Variants in DAPK2 observed in about 807,000 individuals in gnomAD.
DAPK2 encodes death associated protein kinase 2.
Under a neutral mutation model 44.1 loss-of-function variants are expected in DAPK2, and 35 were observed. The observed-to-expected ratio is 0.79, with a 90% CI of 0.61 to 1.05. The LOEUF is 1.05. Among genes scored for constraint, DAPK2 ranks in the 50% least tolerant of loss-of-function variants. DAPK2 has a pLI of 0.00. For synonymous variants in DAPK2, 174 were observed against 182.6 expected, an observed-to-expected ratio of 0.95 and a Z score of 0.38; for missense variants, 453 against 483.2, an observed-to-expected ratio of 0.94 and a Z score of 0.59.
chr15:64,039,669 G>C (rs1437795590), intron 1 of DAPK2, among the ~76,000 whole-genome samples: 1 of 152,184 alleles, frequency 6.6e-6, no homozygotes, highest in Non-Finnish European at 1.5e-5. Flanking sequence ...CAGCAAACCT[G>C]AAAATGCACC....
At chr15:64,045,123 G>A (rs967507233), upstream of DAPK2, among the ~76,000 whole-genome samples, 5 of 152,152 alleles carry the variant, frequency 3.3e-5, no homozygotes, top group Non-Finnish European at 7.3e-5. Context: ...CTAACAAATC[G>A]GGAGGCCTCA....
chr15:63,929,428 T>G, intron 6 of DAPK2, 123 bp downstream of exon 7: 2 of 1,300,156 alleles, frequency 1.5e-6, no homozygotes, highest in South Asian at 2.6e-5. Flanking sequence ...CTGTGTGGAC[T>G]TAACACATCT....
Position 64,036,317 on chromosome 15 carries a change from ATG to A in DAPK2, c.92+3851_92+3852del, listed in dbSNP as rs1309863145. Among the ~76,000 whole-genome samples, 220 of 102,230 alleles carry A rather than the reference ATG, an allele frequency of 2.2e-3. 2 individuals are homozygous for A. Among genetic ancestry groups the A allele is most frequent in the African/African-American group, 7.4e-3 (211 of 28,486 alleles). 67.1% of individuals were successfully genotyped at this position (102,230 alleles called of 152,430 possible). A position where few individuals can be genotyped will look rare whatever the true frequency, so the allele number is the denominator to read the frequency against. On this transcript the variant is annotated intron_variant, in intron 1 of 10. Transcript: ENST00000261891. ...TGTGTGTGTGTGTGTGTGTATATAT[ATG>A]TATATATATATATATATACATATAT...
At chr15:63,911,838 G>T in intron 10 of DAPK2, 70 bp downstream of exon 11, 1 of 1,492,130 alleles carries the variant, frequency 6.7e-7, no homozygotes, top group Non-Finnish European at 9.2e-7. Flanking sequence ...AGGGGAAAGG[G>T]AACTCACCCA....
rs1357049659 is a variant in DAPK2, at chr15:63,990,451, G to A, written c.93-6697C>T. On this transcript the variant is annotated intron_variant, in intron 1 of 10. Coordinates refer to ENST00000261891, the Ensembl canonical transcript of DAPK2. This position sits in a 1 kb window ranked among gnomAD's most constrained non-coding sequence, Gnocchi z 4.3. ...TAGAAAAAGAAAAAGAAAGGTCCATGGATTGAGTGGGTCTACCTCATTCCC... is the reference window on the plus strand; with the variant it reads ...TAGAAAAAGAAAAAGAAAGGTCCATAGATTGAGTGGGTCTACCTCATTCCC... Among the ~76,000 whole-genome samples the A allele has an allele frequency of 1.1e-5, 1 of 89,670 alleles. No individual in the cohort carries two copies. The highest frequency in any genetic ancestry group is 2.5e-5 in the Non-Finnish European group (1 of 39,516). The allele number at this position is 89,670 out of a possible 152,430, so 58.8% of individuals were successfully genotyped here. A position where few individuals can be genotyped will look rare whatever the true frequency, so the allele number is the denominator to read the frequency against.
upstream of DAPK2, among the ~76,000 whole-genome samples, chr15:64,041,758 A>G (rs1481966314): frequency 1.3e-5 from 2 of 152,168 alleles, no homozygotes; most frequent in Admixed American, 6.5e-5. Flanking sequence ...GAGCTGTCCT[A>G]ACTCTCAGCG....
intron 1 of DAPK2, among the ~76,000 whole-genome samples, chr15:64,015,357 C>G (rs2079496369): frequency 6.6e-6 from 1 of 152,178 alleles, no homozygotes; most frequent in Non-Finnish European, 1.5e-5. Flanking sequence ...GCCTAAAGGT[C>G]TAAAGGATCG....
At chr15:63,974,148 T>C (rs886635693) in intron 2 of DAPK2, among the ~76,000 whole-genome samples, 2 of 152,242 alleles carry the variant, frequency 1.3e-5, no homozygotes, top group Non-Finnish European at 2.9e-5. Context: ...AAATCTCCCC[T>C]GAGATTTAGA....
intron 1 of DAPK2, among the ~76,000 whole-genome samples, chr15:64,001,573 G>A (rs1188523194): frequency 6.6e-6 from 1 of 152,118 alleles, no homozygotes; most frequent in East Asian, 1.9e-4. Flanking sequence ...TCCCCTTATG[G>A]CACAAATAGG....
upstream of DAPK2, chr15:64,046,323 G>A (rs1277938913): frequency 4.2e-6 from 4 of 957,834 alleles, no homozygotes; most frequent in African/African-American, 4.9e-5. This position sits in a 1 kb window ranked among gnomAD's most constrained non-coding sequence, Gnocchi z 5.3. Flanking sequence ...TGCCGCGGTC[G>A]CGGCCGCGGC....
intron 3 of DAPK2, among the ~76,000 whole-genome samples, chr15:63,960,652 T>G (rs1420363140): frequency 6.6e-6 from 1 of 152,226 alleles, no homozygotes; most frequent in Non-Finnish European, 1.5e-5. Flanking sequence ...TCCATGTAGT[T>G]GAGTGGTTTT....
rs768587064 is a variant in DAPK2 at position 63,939,291 on chromosome 15, G to A, written c.524C>T (p.Ala175Val). ...TTCAACTCCATCTTCTATTTCGTGA[G>A]CCAGACCAAAGTCAATCAGCTTGAT... Residue 175 changes from alanine (A) to valine (V), a missense_variant, in exon 4 of 11, where the codon GCT becomes GTT. Coordinates refer to ENST00000261891, the Ensembl canonical transcript of DAPK2. The surrounding 1 kb of genome is among the most constrained non-coding windows in gnomAD (Gnocchi z 4.3). 1.2e-6 allele frequency: 2 copies of A among 1,613,600 alleles called. No homozygotes were observed. The highest frequency in any genetic ancestry group is 2.2e-5 in the South Asian group (2 of 91,064).
At chr15:63,913,221 A>G (rs1161904320) in intron 8 of DAPK2, among the ~76,000 whole-genome samples, 4 of 152,192 alleles carry the variant, frequency 2.6e-5, no homozygotes, top group African/African-American at 7.2e-5. Flanking sequence ...GGGAATGGCT[A>G]CTAAAGGGTA....
intron 1 of DAPK2, among the ~76,000 whole-genome samples, chr15:64,010,042 T>A (rs2079347261): frequency 6.6e-6 from 1 of 152,164 alleles, no homozygotes. Flanking sequence ...CAAACTGAGT[T>A]CTCTGTAGCA....
intron 3 of DAPK2, among the ~76,000 whole-genome samples, chr15:63,971,028 C>T (rs1019908727): frequency 2.6e-5 from 4 of 152,162 alleles, no homozygotes; most frequent in Non-Finnish European, 4.4e-5. Context: ...ATGGGTCTGG[C>T]GAGCCAGCCA....
rs35207515 is a variant in DAPK2 at position 63,925,675 on chromosome 15, A to AGCGCGC, written c.812+265_812+266insGCGCGC. 9.4e-3 allele frequency among the ~76,000 whole-genome samples: 1,222 copies of AGCGCGC among 129,898 alleles called. 13 individuals are homozygous for AGCGCGC. Among genetic ancestry groups the AGCGCGC allele is most frequent in the African/African-American group, 0.03 (995 of 33,298 alleles). 85.2% of individuals were successfully genotyped at this position (129,898 alleles called of 152,430 possible). A position where few individuals can be genotyped will look rare whatever the true frequency, so the allele number is the denominator to read the frequency against. ...CCTAAAGAAACCCAGGCTGACTTGTAGCGCACACACACACACACACACACA... is the reference window on the plus strand; with the variant it reads ...CCTAAAGAAACCCAGGCTGACTTGTAGCGCGCGCGCACACACACACACACACACACA... On this transcript the variant is annotated intron_variant, in intron 7 of 10. Transcript: ENST00000261891.
chr15:64,011,677 G>A (rs912848902), intron 1 of DAPK2, among the ~76,000 whole-genome samples: 4 of 152,208 alleles, frequency 2.6e-5, no homozygotes, highest in African/African-American at 7.2e-5. Context: ...AATGTGGATA[G>A]TACAACTGAG....
At chr15:63,942,639 T>A (rs2077341005) in intron 3 of DAPK2, among the ~76,000 whole-genome samples, 1 of 151,242 alleles carries the variant, frequency 6.6e-6, no homozygotes, top group South Asian at 2.1e-4. Context: ...CGCCCGAGTC[T>A]CATCTGTCCT....
intron 8 of DAPK2, among the ~76,000 whole-genome samples, chr15:63,915,121 A>G (rs1288732888): frequency 2.6e-5 from 4 of 152,240 alleles, no homozygotes; most frequent in Non-Finnish European, 5.9e-5. Context: ...CAAATATGAT[A>G]TAAATGCTAT....
Sources: gnomAD v4.1 joint callset for allele counts (sites outside exome capture counted in the v4.1 genomes callset) on GRCh38, gnomAD v4.1.1 for gene constraint, Gnocchi (gnomAD v3.1) non-coding constraint, MANE v1.5 for transcripts, NCBI Gene and HGNC (gene_info 2026-07-23, HGNC 2026-07-21) for gene names.